Variants in ESPNL observed in about 807,000 individuals in gnomAD.
ESPNL encodes espin-like protein.
In ESPNL, 49 loss-of-function variants were observed where a neutral mutation model predicts 46.8. That is an observed-to-expected ratio of 1.05 (90% CI 0.83 to 1.33). The LOEUF (loss-of-function observed/expected upper bound fraction) is 1.33, where lower values mean the gene tolerates loss of function less well. ESPNL is among the 40% of genes most tolerant of loss of function. ESPNL has a pLI of 0.00. For synonymous variants in ESPNL, 664 were observed against 662.1 expected (o/e 1.00, Z -0.04); for missense variants, 1,540 against 1,436.6 (o/e 1.07, Z -1.16).
intron 6 of ESPNL, chr2:238,127,322 G>A: frequency 8.3e-7 from 1 of 1,207,224 alleles, no homozygotes; most frequent in South Asian, 2.9e-5. Flanking sequence ...CTGCAGAGCT[G>A]CGTTAGGGGC....
At chr2:238,128,196 C>A (rs1343980862) in intron 7 of ESPNL, among the ~76,000 whole-genome samples, 1 of 152,240 alleles carries the variant, frequency 6.6e-6, no homozygotes, top group Admixed American at 6.5e-5. Context: ...CCAGCCCAGA[C>A]TTTCCCTGCG....
In ESPNL at chr2:238,130,916, C is replaced by T; in HGVS notation, c.2202C>T (p.Ala734=). 1 of 1,548,328 alleles carries T rather than the reference C, an allele frequency of 6.5e-7. No homozygotes were observed. The highest frequency in any genetic ancestry group is 2.4e-5 in the East Asian group (1 of 41,336). Residue 734 remains alanine (A), a synonymous_variant, in exon 9 of 9, where the codon GCC becomes GCT. Coordinates refer to ENST00000343063, the MANE Select transcript of ESPNL (RefSeq NM_194312.4). ...EAGAAAGPDL[A]SLRKERIIML... Reference sequence around the variant, plus strand: ...GTGCCGCAGCCGGCCCAGACCTGGCCAGCCTGCGCAAGGAGCGCATCATCA... The same window carrying T: ...GTGCCGCAGCCGGCCCAGACCTGGCTAGCCTGCGCAAGGAGCGCATCATCA...
At chr2:238,128,173 G>A (rs1692184413) in intron 7 of ESPNL, among the ~76,000 whole-genome samples, 1 of 152,144 alleles carries the variant, frequency 6.6e-6, no homozygotes, top group Admixed American at 6.5e-5. Context: ...CTGGGCGCCG[G>A]GCCCTTAGAA....
chr2:238,102,110 T>G lies in ESPNL; in HGVS notation c.464T>G (p.Leu155Arg), dbSNP rs1691498972. 6.4e-7 allele frequency: 1 copy of G among 1,559,594 alleles called. No individual in the cohort carries two copies. The highest frequency in any genetic ancestry group is 8.7e-7 in the Non-Finnish European group (1 of 1,152,900). ...AGTGGGGACCTGACCTGCCTCAAGCTCCTGACAGCCGCGCATGGCAGGTAA... is the reference window on the plus strand; with the variant it reads ...AGTGGGGACCTGACCTGCCTCAAGCGCCTGACAGCCGCGCATGGCAGGTAA... ...AVSGDLTCLK[L>R]LTAAHGSSVN... The change falls in exon 2 of 9, where the codon CTC becomes CGC. Residue 155 changes from leucine to arginine, a missense_variant. By Grantham distance (102) the Leu-to-Arg change is moderately radical. Transcript: ENST00000343063.
intron 4 of ESPNL, among the ~76,000 whole-genome samples, chr2:238,116,363 C>T (rs955376280): frequency 2.6e-5 from 4 of 152,174 alleles, no homozygotes; most frequent in Non-Finnish European, 4.4e-5. Context: ...TAGGAGCATG[C>T]AGTGTGGCTG....
At position 238,114,969 on chromosome 2, in the gene ESPNL, C is replaced by T. The variant is rs1406179360; in HGVS notation, c.856-1934C>T. On this transcript the variant is annotated intron_variant, in intron 4 of 8. Coordinates refer to ENST00000343063, the MANE Select transcript of ESPNL (RefSeq NM_194312.4). The surrounding 1 kb of genome is among the most constrained non-coding windows in gnomAD (Gnocchi z 5.0). ...GCAGGCAGTGCGTGAGCAGACACCC[C>T]AGTCTGCAGCTTAGAGGCGCAGGGT... Among the ~76,000 whole-genome samples, 1 of 152,226 alleles carries T rather than the reference C, an allele frequency of 6.6e-6. No individual in the cohort carries two copies. The highest frequency in any genetic ancestry group is 6.5e-5 in the Admixed American group (1 of 15,290).
intron 6 of ESPNL, among the ~76,000 whole-genome samples, chr2:238,126,506 T>C (rs1692121151): frequency 6.6e-6 from 1 of 151,274 alleles, no homozygotes; most frequent in Non-Finnish European, 1.5e-5. Flanking sequence ...TCTGTTTCTG[T>C]GTGTGATTGT....
At chr2:238,113,173 G>A (rs889963208) in intron 4 of ESPNL, among the ~76,000 whole-genome samples, 6 of 152,172 alleles carry the variant, frequency 3.9e-5, no homozygotes, top group African/African-American at 9.7e-5. Context: ...GTATACACAT[G>A]ACTTTTCTTT....
At position 238,114,588 on chromosome 2, in the gene ESPNL, C is replaced by G. The variant is rs1691776760; in HGVS notation, c.856-2315C>G. Among the ~76,000 whole-genome samples the G allele has an allele frequency of 6.6e-6, 1 of 152,208 alleles. No homozygotes were observed. On this transcript the variant is annotated intron_variant, in intron 4 of 8. Transcript: ENST00000343063. This position sits in a 1 kb window ranked among gnomAD's most constrained non-coding sequence, Gnocchi z 5.0. ...AATGCTTCCTGCTTCCTCAGCCACACCAGCCACTGGCTCAGCCCTTCTGGG... is the reference window on the plus strand; with the variant it reads ...AATGCTTCCTGCTTCCTCAGCCACAGCAGCCACTGGCTCAGCCCTTCTGGG...
At chr2:238,115,808 G>A (rs543854815) in intron 4 of ESPNL, among the ~76,000 whole-genome samples, 7 of 152,324 alleles carry the variant, frequency 4.6e-5, no homozygotes, top group African/African-American at 1.7e-4. Flanking sequence ...AAGTAGCTGG[G>A]ATTAGAGGCG....
intron 6 of ESPNL, 89 bp downstream of exon 6, chr2:238,125,473 G>A (rs1475178962): frequency 2.8e-6 from 2 of 708,128 alleles, no homozygotes; most frequent in African/African-American, 1.9e-5. Flanking sequence ...GGACCGGTGG[G>A]CAAGTCTGCG....
chr2:238,121,614 T>C (rs1219679722), intron 5 of ESPNL, among the ~76,000 whole-genome samples: 2 of 152,194 alleles, frequency 1.3e-5, no homozygotes, highest in Non-Finnish European at 2.9e-5. Context: ...GCCAGGCTGG[T>C]CTTGAGCTCC....
chr2:238,126,921 C>CTGTGATTGTGTCTG (rs1553574023), intron 6 of ESPNL, among the ~76,000 whole-genome samples: 10 of 146,638 alleles, frequency 6.8e-5, no homozygotes, highest in South Asian at 2.2e-4. Flanking sequence ...ATGATCGTGT[C>CTGTGATTGTGTCTG]TGTGTGTCTG....
In ESPNL at chr2:238,131,860, C is replaced by T. The variant is rs1276874281; in HGVS notation, c.*128C>T. On this transcript the variant is annotated 3_prime_UTR_variant, in exon 9 of 9. Coordinates refer to ENST00000343063, the MANE Select transcript of ESPNL (RefSeq NM_194312.4). Reference sequence around the variant, plus strand: ...GGCTGCCTCCAGTCCTACCAGTTATCGGAGGCTGCGGGACTGTTCTGTTGT... The same window carrying T: ...GGCTGCCTCCAGTCCTACCAGTTATTGGAGGCTGCGGGACTGTTCTGTTGT... The T allele has an allele frequency of 2.3e-5, 23 of 996,616 alleles. No homozygotes were observed. Among genetic ancestry groups the T allele is most frequent in the South Asian group, 3.2e-5 (2 of 62,932 alleles). The allele number at this position is 996,616 out of a possible 1,614,324, so 61.7% of individuals were successfully genotyped here.
At chr2:238,124,437 C>T (rs1692052623) in intron 5 of ESPNL, among the ~76,000 whole-genome samples, 1 of 152,226 alleles carries the variant, frequency 6.6e-6, no homozygotes. Flanking sequence ...CCAGGTTTCT[C>T]ACTTGGCCAT....
At chr2:238,111,328 C>T (rs1004593294) in intron 4 of ESPNL, among the ~76,000 whole-genome samples, 2 of 152,182 alleles carry the variant, frequency 1.3e-5, no homozygotes, top group African/African-American at 4.8e-5. Context: ...TAGCCATTTT[C>T]GAGCACACAC....
chr2:238,105,791 C>T (rs1338153033), intron 3 of ESPNL, among the ~76,000 whole-genome samples: 1 of 152,108 alleles, frequency 6.6e-6, no homozygotes, highest in Non-Finnish European at 1.5e-5. Context: ...ATCTGACTGG[C>T]ATATTGGAAG....
chr2:238,127,921 G>T (rs1295401259), intron 7 of ESPNL, among the ~76,000 whole-genome samples, 187 bp downstream of exon 7: 1 of 152,158 alleles, frequency 6.6e-6, no homozygotes, highest in Non-Finnish European at 1.5e-5. Context: ...GAATGTCAGG[G>T]CGACGGCAGC....
Position 238,102,129 on chromosome 2 carries a change from C to T in ESPNL, c.483C>T (p.Gly161=), listed in dbSNP as rs1295231691. Reference sequence around the variant, plus strand: ...TCAAGCTCCTGACAGCCGCGCATGGCAGGTAAGGAGCCCAAAGTCCCGCCT... The same window carrying T: ...TCAAGCTCCTGACAGCCGCGCATGGTAGGTAAGGAGCCCAAAGTCCCGCCT... The part of the protein sequence containing the change: ...TCLKLLTAAH[G]SSVNRRTRSG... Residue 161 remains glycine (G), a splice_region_variant and synonymous_variant, in exon 2 of 9, where the codon GGC becomes GGT. Transcript: ENST00000343063. 6.5e-7 allele frequency: 1 copy of T among 1,536,258 alleles called. No homozygotes were observed. The highest frequency in any genetic ancestry group is 1.2e-5 in the South Asian group (1 of 82,778).
Sources: allele counts gnomAD v4.1 joint callset (sites outside exome capture counted in the v4.1 genomes callset), GRCh38; gene constraint gnomAD v4.1.1; non-coding constraint Gnocchi (gnomAD v3.1); transcripts MANE v1.5; gene names NCBI Gene and HGNC (gene_info 2026-07-23, HGNC 2026-07-21).